ARMC9: variants seen among roughly 807,000 people sequenced by gnomAD.
ARMC9 encodes armadillo repeat containing 9.
A neutral mutation model predicts 107.0 loss-of-function variants in ARMC9; 94 were observed. The ratio of observed to expected loss-of-function variants is 0.88; its 90% CI spans 0.74 to 1.04. ARMC9 has a LOEUF of 1.04. Ranked by LOEUF, ARMC9 falls within the 50% of genes least tolerant of loss-of-function variation. ARMC9 has a pLI of 0.00. For missense variants in ARMC9, 942 were observed against 1,030.1 expected (o/e 0.91, Z 1.17); for synonymous variants, 380 against 396.9 (o/e 0.96, Z 0.51).
chr2:231,216,247 CAGAT>C (rs1407029265), intron 4 of ARMC9, among the ~76,000 whole-genome samples: 10 of 152,110 alleles, frequency 6.6e-5, no homozygotes, highest in African/African-American at 2.4e-4. Flanking sequence ...GTAATGCAGA[CAGAT>C]ACTTATTTAT....
intron 23 of ARMC9, among the ~76,000 whole-genome samples, 181 bp downstream of exon 23, chr2:231,361,064 C>T (rs1003469623): frequency 3.7e-4 from 57 of 152,358 alleles, no homozygotes; most frequent in African/African-American, 1.3e-3. Context: ...TCCTGACCAC[C>T]TCGGAGGGCT....
rs2125595161 is a variant in ARMC9, at chr2:231,362,564, A to G, written c.2261+1681A>G. ...ACAAAGACCCCTCAGGGTCCAACCC[A>G]GAGGTGCCCTCCCCTTGGTGTCAGT... On this transcript the variant is annotated intron_variant, in intron 23 of 24. Coordinates refer to ENST00000611582, the MANE Select transcript of ARMC9 (RefSeq NM_001352754.2). The surrounding 1 kb of genome is among the most constrained non-coding windows in gnomAD (Gnocchi z 4.7). The G allele has an allele frequency of 6.6e-6, 1 of 152,008 alleles. No individual in the cohort carries two copies. 9.4% of individuals were successfully genotyped at this position (152,008 alleles called of 1,614,324 possible).
At chr2:231,254,021 G>A (rs888161357) in intron 9 of ARMC9, among the ~76,000 whole-genome samples, 4 of 152,164 alleles carry the variant, frequency 2.6e-5, no homozygotes, top group Admixed American at 2.0e-4. Flanking sequence ...TTGAGGTGAT[G>A]TTGGATGGCC....
At chr2:231,282,188 G>C in intron 17 of ARMC9, 55 bp downstream of exon 17, 1 of 1,570,128 alleles carries the variant, frequency 6.4e-7, no homozygotes, top group African/African-American at 1.4e-5. Context: ...ACAGTTCAGA[G>C]CTTTTAGAGC....
chr2:231,331,892 C>G lies in ARMC9; in HGVS notation c.1873C>G (p.Leu625Val). ...AGAGAAGCTTCTGACCACGGAGTAC[C>G]TGGGGGTAAGTGCCACACAAAGGGT... ...SGEKLLTTEY[L>V]GIMTNTGKTR... Residue 625 changes from leucine to valine, a missense_variant, in exon 20 of 25, where the codon CTG (leucine) becomes GTG (valine). By Grantham distance (32) the Leu-to-Val change is conservative. Transcript: ENST00000611582. 3 of 1,611,508 alleles carry G rather than the reference C, an allele frequency of 1.9e-6. No homozygotes were observed. Among genetic ancestry groups the G allele is most frequent in the Admixed American group, 1.7e-5 (1 of 59,956 alleles).
intron 3 of ARMC9, among the ~76,000 whole-genome samples, chr2:231,210,395 G>A (rs1358576962): frequency 6.6e-6 from 1 of 152,180 alleles, no homozygotes; most frequent in Non-Finnish European, 1.5e-5. Flanking sequence ...GTGTTCCTCA[G>A]GAAATCAGCT....
chr2:231,285,832 G>T (rs1290640280), intron 17 of ARMC9, among the ~76,000 whole-genome samples: 1 of 152,174 alleles, frequency 6.6e-6, no homozygotes, highest in Non-Finnish European at 1.5e-5. Context: ...CTAAAACCCT[G>T]AGATTTCCCT....
rs1247009121 is a variant in ARMC9, at chr2:231,217,533, A to C, written c.504+740A>C. Among the ~76,000 whole-genome samples, 13 of 150,564 alleles carry C rather than the reference A, an allele frequency of 8.6e-5. No homozygotes were observed. The Admixed American group carries it at 8.7e-4, about 10-fold the overall frequency. ...TGCAGTGAACCAGGAGTGCCACTGC[A>C]CTCCATCCTGGGCAACAGAGTGAGA... On this transcript the variant is annotated intron_variant, in intron 5 of 24. Coordinates refer to ENST00000611582, the MANE Select transcript of ARMC9 (RefSeq NM_001352754.2).
chr2:231,221,578 C>G (rs187944617), intron 5 of ARMC9, among the ~76,000 whole-genome samples: 1 of 151,570 alleles, frequency 6.6e-6, no homozygotes, highest in African/African-American at 2.4e-5. Flanking sequence ...CCTGTAATCC[C>G]AGCACTTTGG....
At chr2:231,280,424 C>G (rs1322825051) in intron 16 of ARMC9, among the ~76,000 whole-genome samples, 1 of 152,144 alleles carries the variant, frequency 6.6e-6, no homozygotes, top group East Asian at 1.9e-4. Flanking sequence ...TGCCGTTGCA[C>G]TCCAGCATGG....
intron 12 of ARMC9, among the ~76,000 whole-genome samples, chr2:231,269,589 T>G (rs2039141528): frequency 6.6e-6 from 1 of 151,832 alleles, no homozygotes; most frequent in Non-Finnish European, 1.5e-5. Flanking sequence ...TTCACCATGT[T>G]GGCCAGGCTG....
At chr2:231,330,289 G>A (rs1448844129) in intron 19 of ARMC9, among the ~76,000 whole-genome samples, 6 of 148,608 alleles carry the variant, frequency 4.0e-5, no homozygotes, top group South Asian at 2.1e-4. Flanking sequence ...GTACGATGGC[G>A]CAATTTCGTC....
chr2:231,327,690 G>A (rs1010529807), intron 19 of ARMC9, among the ~76,000 whole-genome samples: 1 of 152,276 alleles, frequency 6.6e-6, no homozygotes, highest in East Asian at 1.9e-4. Flanking sequence ...TGGGATAAAT[G>A]CCCAGGAGTA....
At chr2:231,212,733 A>G (rs918310243) in intron 3 of ARMC9, among the ~76,000 whole-genome samples, 15 of 152,070 alleles carry the variant, frequency 9.9e-5, no homozygotes, top group African/African-American at 3.6e-4. Flanking sequence ...AGCTTCCCCA[A>G]ATTCTTCCAA....
chr2:231,278,492 G>A (rs1202354095), intron 16 of ARMC9, 34 bp downstream of exon 16: 3 of 1,603,478 alleles, frequency 1.9e-6, no homozygotes, highest in Non-Finnish European at 1.7e-6. Context: ...CTGGGCTCGG[G>A]GAGGCTACAC....
chr2:231,340,492 C>T (rs1195249389), intron 20 of ARMC9, among the ~76,000 whole-genome samples: 4 of 152,016 alleles, frequency 2.6e-5, no homozygotes, highest in Non-Finnish European at 2.9e-5. Context: ...AATACTCTAA[C>T]AACATAGAGA....
chr2:231,215,794 G>A (rs2033434889), intron 4 of ARMC9, among the ~76,000 whole-genome samples: 1 of 152,198 alleles, frequency 6.6e-6, no homozygotes, highest in South Asian at 2.1e-4. Flanking sequence ...GGGAGCAGCA[G>A]GACCATACAT....
At chr2:231,364,269 G>A (rs1012162055) in intron 23 of ARMC9, among the ~76,000 whole-genome samples, 1 of 152,236 alleles carries the variant, frequency 6.6e-6, no homozygotes, top group African/African-American at 2.4e-5. Flanking sequence ...ACCTCCACGT[G>A]GCCTGAGGAC....
intron 20 of ARMC9, among the ~76,000 whole-genome samples, chr2:231,342,837 C>CT (rs2044598234): frequency 6.6e-6 from 1 of 152,118 alleles, no homozygotes; most frequent in South Asian, 2.1e-4. Context: ...AGCTGGGTGC[C>CT]TCCCACTTTC....
Sources: gnomAD v4.1 joint callset for allele counts (sites outside exome capture counted in the v4.1 genomes callset) on GRCh38, gnomAD v4.1.1 for gene constraint, Gnocchi (gnomAD v3.1) non-coding constraint, MANE v1.5 for transcripts, NCBI Gene and HGNC (gene_info 2026-07-23, HGNC 2026-07-21) for gene names.